The following RAX variants were observed in gnomAD, a reference collection of about 807,000 sequenced individuals.
RAX encodes the protein retinal homeobox protein Rx.
RAX carries 11 observed loss-of-function variants against 17.4 expected under a neutral mutation model. The observed-to-expected ratio is 0.63, with a 90% confidence interval of 0.40 to 1.05. The LOEUF (loss-of-function observed/expected upper bound fraction) is 1.05, where lower values mean the gene tolerates loss of function less well. RAX is among the 50% of genes least tolerant of loss of function. The pLI is 0.00. For missense variants in RAX, 527 were observed against 501.1 expected, an observed-to-expected ratio of 1.05 and a Z score of -0.49; for synonymous variants, 276 against 254.7, an observed-to-expected ratio of 1.08 and a Z score of -0.80.
At chr18:59,269,979 G>T (rs1347899562) in intron 2 of RAX, among the ~76,000 whole-genome samples, 1 of 152,220 alleles carries the variant, frequency 6.6e-6, no homozygotes, top group Non-Finnish European at 1.5e-5. Flanking sequence ...CTGGTTGGCA[G>T]CCCCTCCTAA....
In RAX at chr18:59,268,971, C is replaced by A. The variant is rs778558232; in HGVS notation, c.*33G>T. Reference sequence around the variant, plus strand: ...GGATGCGGGTACGGTGCGGTCGGCCCGGGGTCGGATCCCAAGACGTTCCCC... The same window carrying A: ...GGATGCGGGTACGGTGCGGTCGGCCAGGGGTCGGATCCCAAGACGTTCCCC... On this transcript the variant is annotated 3_prime_UTR_variant, in exon 3 of 3. Coordinates refer to ENST00000334889, the MANE Select transcript of RAX (RefSeq NM_013435.3). The surrounding 1 kb of genome is among the most constrained non-coding windows in gnomAD (Gnocchi z 4.4). 6.2e-7 allele frequency: 1 copy of A among 1,612,740 alleles called. No individual in the cohort carries two copies.
At chr18:59,272,841 G>T in intron 1 of RAX, 77 bp downstream of exon 1, 1 of 1,480,496 alleles carries the variant, frequency 6.8e-7, no homozygotes, top group African/African-American at 1.4e-5. Context: ...AAAAGTTAAG[G>T]AAGGGGCGCT....
At position 59,273,087 on chromosome 18, in the gene RAX, C is replaced by A. The variant is rs2070354401; in HGVS notation, c.120G>T (p.Gly40=). 1 of 1,535,090 alleles carries A rather than the reference C, an allele frequency of 6.5e-7. No homozygotes were observed. The highest frequency in any genetic ancestry group is 8.7e-7 in the Non-Finnish European group (1 of 1,146,328). The change falls in exon 1 of 3, where the codon GGG becomes GGT. Residue 40 remains glycine, a synonymous_variant. Coordinates refer to ENST00000334889, the MANE Select transcript of RAX (RefSeq NM_013435.3). The part of the protein sequence containing the change: ...SRLHSIEAIL[G]FTKDDGILGT... The stretch of plus-strand genomic sequence containing the variant: ...CGAGGATCCCGTCGTCCTTGGTAAA[C>A]CCCAGGATGGCCTCGATGCTGTGAA...
At chr18:59,270,662 G>C (rs548030609) in intron 2 of RAX, among the ~76,000 whole-genome samples, 46 of 152,280 alleles carry the variant, frequency 3.0e-4, no homozygotes, top group African/African-American at 1.1e-3. Flanking sequence ...GTCAATAAGG[G>C]CAGGGGACCC....
rs928188454 is a variant in RAX at position 59,268,049 on chromosome 18, A to G, written c.*955T>C. Reference sequence around the variant, plus strand: ...TCAGTTCTTGTACCGCTGGTGATCAACCTTGGGTGTTAGGGACTGGCACCG... The same window carrying G: ...TCAGTTCTTGTACCGCTGGTGATCAGCCTTGGGTGTTAGGGACTGGCACCG... On this transcript the variant is annotated 3_prime_UTR_variant, in exon 3 of 3. Transcript: ENST00000334889. The surrounding 1 kb of genome is among the most constrained non-coding windows in gnomAD (Gnocchi z 4.4). 6.6e-5 allele frequency: 10 copies of G among 152,254 alleles called. No homozygotes were observed. Among genetic ancestry groups the G allele is most frequent in the Admixed American group, 6.5e-4 (10 of 15,280 alleles). The allele number at this position is 152,254 out of a possible 1,614,324, so 9.4% of individuals were successfully genotyped here.
chr18:59,269,376 G>T lies in RAX; in HGVS notation c.669C>A (p.Pro223=). 6.7e-7 allele frequency: 1 copy of T among 1,493,872 alleles called. No homozygotes were observed. Among genetic ancestry groups the T allele is most frequent in the Non-Finnish European group, 8.9e-7 (1 of 1,126,494 alleles). The allele number at this position is 1,493,872 out of a possible 1,614,324, so 92.5% of individuals were successfully genotyped here. ...CACCGCTGCCCGGGCCCGCCCCGAG[G>T]GGCGACAGCGTCGCGGAGGGCGGGG... ...SRSPPSATLS[P]LGAGPGSGGG... Residue 223 remains proline, a synonymous_variant, in exon 3 of 3, where the codon CCC becomes CCA. Transcript: ENST00000334889.
Position 59,269,425 on chromosome 18 carries a change from G to A in RAX, c.620C>T (p.Ser207Leu), listed in dbSNP as rs760539266. 1.3e-6 allele frequency: 2 copies of A among 1,579,168 alleles called. No individual in the cohort carries two copies. The highest frequency in any genetic ancestry group is 1.7e-6 in the Non-Finnish European group (2 of 1,171,242). ...GGAGCGGCTGAAGGAGAGGAGGGGC[G>A]AGTCCTGCAGCTTCATGGAGGACAC... ...LEVSSMKLQD[S>L]PLLSFSRSPP... Residue 207 changes from serine (S) to leucine (L), a missense_variant, in exon 3 of 3, where the codon TCG becomes TTG. Physicochemically the swap from Ser to Leu is moderately radical, Grantham distance 145. Coordinates refer to ENST00000334889, the MANE Select transcript of RAX (RefSeq NM_013435.3).
At chr18:59,272,716 A>C (rs2070349233) in intron 1 of RAX, 102 bp from the exon 2 acceptor site, 5 of 1,456,818 alleles carry the variant, frequency 3.4e-6, no homozygotes, top group African/African-American at 1.4e-5. Context: ...GCGGGCTCCG[A>C]GATGGCCCGG....
At chr18:59,272,670 G>T in intron 1 of RAX, 56 bp from the exon 2 acceptor site, 1 of 1,530,088 alleles carries the variant, frequency 6.5e-7, no homozygotes, top group South Asian at 1.2e-5. Flanking sequence ...CCCTTGGGCC[G>T]ACCCCGCCTC....
At position 59,269,424 on chromosome 18, in the gene RAX, C is replaced by A. The variant is rs1174247050; in HGVS notation, c.621G>T (p.Ser207=). The A allele has an allele frequency of 1.1e-5, 18 of 1,577,304 alleles. No individual in the cohort carries two copies. Among genetic ancestry groups the A allele is most frequent in the Admixed American group, 5.2e-5 (3 of 57,292 alleles). The change falls in exon 3 of 3, where the codon TCG becomes TCT. Residue 207 remains serine (S), a synonymous_variant. Coordinates refer to ENST00000334889, the MANE Select transcript of RAX (RefSeq NM_013435.3). ...GGGAGCGGCTGAAGGAGAGGAGGGG[C>A]GAGTCCTGCAGCTTCATGGAGGACA... ...LEVSSMKLQD[S]PLLSFSRSPP... is the part of the protein sequence containing the mutation.
rs765987348 is a variant in RAX at position 59,272,962 on chromosome 18, T to G, written c.245A>C (p.Glu82Ala). The G allele has an allele frequency of 4.4e-5, 67 of 1,519,970 alleles. No individual in the cohort carries two copies. Among genetic ancestry groups the G allele is most frequent in the Non-Finnish European group, 5.2e-5 (59 of 1,142,036 alleles). The allele number at this position is 1,519,970 out of a possible 1,614,324, so 94.2% of individuals were successfully genotyped here. ...CGCCGGGGCTGGCGGCGGGGAGGGC[T>G]CGGAGCCTTCCTCGGGCGCCTTGGG... ...ACPKAPEEGS[E>A]PSPPPAPAPA... Residue 82 changes from glutamate (E) to alanine (A), a missense_variant, in exon 1 of 3, where the codon GAG (glutamate) becomes GCG (alanine). Glu to Ala is a moderately radical substitution (Grantham distance 107, BLOSUM62 -1). Transcript: ENST00000334889.
Position 59,273,321 on chromosome 18 carries a change from G to T in RAX, c.-115C>A. On this transcript the variant is annotated 5_prime_UTR_variant, in exon 1 of 3. Coordinates refer to ENST00000334889, the MANE Select transcript of RAX (RefSeq NM_013435.3). ...GGGTCCCGACCCTAGGTCAAGCTCC[G>T]CGGGCGAAGCCCGCCCGGGCTGCGC... 1 of 1,164,096 alleles carries T rather than the reference G, an allele frequency of 8.6e-7. No homozygotes were observed. The highest frequency in any genetic ancestry group is 1.2e-6 in the Non-Finnish European group (1 of 866,916). 72.1% of individuals were successfully genotyped at this position (1,164,096 alleles called of 1,614,324 possible).
At position 59,268,613 on chromosome 18, in the gene RAX, T is replaced by C. The variant is rs1373321506; in HGVS notation, c.*391A>G. The C allele has an allele frequency of 9.4e-6, 3 of 319,328 alleles. No individual in the cohort carries two copies. Among genetic ancestry groups the C allele is most frequent in the Non-Finnish European group, 1.7e-5 (3 of 173,528 alleles). 19.8% of individuals were successfully genotyped at this position (319,328 alleles called of 1,614,324 possible). A position where few individuals can be genotyped will look rare whatever the true frequency, so the allele number is the denominator to read the frequency against. Reference sequence around the variant, plus strand: ...TCAAACTCTATTTTTCCGCCTCCCCTGCTTCCCTGTTATGGTTATCTGGGG... The same window carrying C: ...TCAAACTCTATTTTTCCGCCTCCCCCGCTTCCCTGTTATGGTTATCTGGGG... On this transcript the variant is annotated 3_prime_UTR_variant, in exon 3 of 3. Transcript: ENST00000334889. This position sits in a 1 kb window ranked among gnomAD's most constrained non-coding sequence, Gnocchi z 4.4.
At chr18:59,272,815 G>T (rs1041214964) in intron 1 of RAX, 103 bp downstream of exon 1, 16 of 1,434,082 alleles carry the variant, frequency 1.1e-5, no homozygotes, top group African/African-American at 5.7e-5. Flanking sequence ...CCAACCCCGC[G>T]CCCAGTTGCC....
At position 59,269,388 on chromosome 18, in the gene RAX, C is replaced by G; in HGVS notation, c.657G>C (p.Ala219=). The G allele has an allele frequency of 6.6e-7, 1 of 1,509,994 alleles. No individual in the cohort carries two copies. Among genetic ancestry groups the G allele is most frequent in the Non-Finnish European group, 8.8e-7 (1 of 1,135,094 alleles). The allele number at this position is 1,509,994 out of a possible 1,614,324, so 93.5% of individuals were successfully genotyped here. A position where few individuals can be genotyped will look rare whatever the true frequency, so the allele number is the denominator to read the frequency against. Residue 219 remains alanine (A), a synonymous_variant, in exon 3 of 3, where the codon GCG becomes GCC. Coordinates refer to ENST00000334889, the MANE Select transcript of RAX (RefSeq NM_013435.3). ...LLSFSRSPPS[A]TLSPLGAGPG... ...GGCCCGCCCCGAGGGGCGACAGCGT[C>G]GCGGAGGGCGGGGAGCGGCTGAAGG...
intron 1 of RAX, 83 bp downstream of exon 1, chr18:59,272,835 G>A: frequency 6.8e-7 from 1 of 1,473,382 alleles, no homozygotes; most frequent in Non-Finnish European, 9.0e-7. Context: ...CTTAATAAAA[G>A]TTAAGGAAGG....
chr18:59,271,342 A>C (rs1224436422), intron 2 of RAX, among the ~76,000 whole-genome samples: 1 of 152,206 alleles, frequency 6.6e-6, no homozygotes, highest in African/African-American at 2.4e-5. Flanking sequence ...AAAGCAGGTG[A>C]TAAAATTTCC....
In RAX at chr18:59,273,103, A is replaced by C; in HGVS notation, c.104T>G (p.Ile35Ser). ...PGGSTSRLHSIEAILGFTKDD... is the reference protein window; with the variant it reads ...PGGSTSRLHSSEAILGFTKDD... ...CTTGGTAAACCCCAGGATGGCCTCG[A>C]TGCTGTGAAGTCGCGAGGTGCTCCC... Residue 35 changes from isoleucine (I) to serine (S), a missense_variant, in exon 1 of 3, where the codon ATC becomes AGC. Physicochemically the swap from Ile to Ser is moderately radical, Grantham distance 142. Transcript: ENST00000334889. 6.5e-7 allele frequency: 1 copy of C among 1,535,048 alleles called. No individual in the cohort carries two copies. The highest frequency in any genetic ancestry group is 8.7e-7 in the Non-Finnish European group (1 of 1,146,352).
chr18:59,270,270 T>A (rs1430001280), intron 2 of RAX, among the ~76,000 whole-genome samples: 10 of 152,240 alleles, frequency 6.6e-5, no homozygotes, highest in Non-Finnish European at 1.5e-4. Context: ...TGCTTACTAT[T>A]TCTGCTGTTT....
Sources: gnomAD v4.1 joint callset for allele counts (sites outside exome capture counted in the v4.1 genomes callset) on GRCh38, gnomAD v4.1.1 for gene constraint, Gnocchi (gnomAD v3.1) non-coding constraint, MANE v1.5 for transcripts, NCBI Gene and HGNC (gene_info 2026-07-23, HGNC 2026-07-21) for gene names.